Variants in EHHADH observed in about 807,000 individuals in gnomAD.
EHHADH encodes the protein peroxisomal bifunctional enzyme.
A neutral mutation model predicts 64.4 loss-of-function variants in EHHADH; 48 were observed. The ratio of observed to expected loss-of-function variants is 0.75; its 90% CI spans 0.59 to 0.95. The LOEUF is 0.95. EHHADH is among the 40% of genes least tolerant of loss of function. The pLI is 0.00. For missense variants in EHHADH, 854 were observed against 876.6 expected, an observed-to-expected ratio of 0.97 and a Z score of 0.33; for synonymous variants, 308 against 326.7, an observed-to-expected ratio of 0.94 and a Z score of 0.62.
chr3:185,202,624 C>G (rs921414218), intron 6 of EHHADH, among the ~76,000 whole-genome samples: 1 of 152,136 alleles, frequency 6.6e-6, no homozygotes, highest in Non-Finnish European at 1.5e-5. Flanking sequence ...CCTTGACCTC[C>G]GCCTCCTGTC....
At chr3:185,229,632 CA>C (rs1719102187) in intron 3 of EHHADH, 89 bp from the exon 4 acceptor site, 6 of 772,262 alleles carry the variant, frequency 7.8e-6, no homozygotes. Context: ...CCTGTATTCT[CA>C]AAAGCATGGT....
intron 4 of EHHADH, among the ~76,000 whole-genome samples, chr3:185,229,161 T>C (rs1202198284): frequency 2.6e-5 from 4 of 152,226 alleles, no homozygotes; most frequent in Non-Finnish European, 4.4e-5. Context: ...TGTTGATGAA[T>C]AGTCACTTGA....
intron 3 of EHHADH, among the ~76,000 whole-genome samples, chr3:185,234,881 A>G (rs1168823908): frequency 6.6e-6 from 1 of 152,186 alleles, no homozygotes; most frequent in African/African-American, 2.4e-5. Context: ...TAAGCTAACC[A>G]TTCAAAATTA....
chr3:185,201,518 G>T (rs762011747), intron 6 of EHHADH, among the ~76,000 whole-genome samples: 15 of 152,168 alleles, frequency 9.9e-5, no homozygotes, highest in African/African-American at 1.4e-4. Context: ...GGTCCTCAGG[G>T]TAAGCCGGGT....
chr3:185,231,774 G>T (rs556889385), intron 3 of EHHADH, among the ~76,000 whole-genome samples: 143 of 152,350 alleles, frequency 9.4e-4, no homozygotes, highest in African/African-American at 3.1e-3. Flanking sequence ...AAGTAGATTA[G>T]TAGGTGCTTA....
chr3:185,246,816 T>C (rs566438851), intron 2 of EHHADH, among the ~76,000 whole-genome samples: 3 of 152,326 alleles, frequency 2.0e-5, no homozygotes, highest in African/African-American at 7.2e-5. Flanking sequence ...TCAGTTCCTT[T>C]ACATAAATAC....
intron 2 of EHHADH, among the ~76,000 whole-genome samples, chr3:185,241,060 T>C (rs997370863): frequency 6.6e-6 from 1 of 152,186 alleles, no homozygotes; most frequent in Non-Finnish European, 1.5e-5. Flanking sequence ...GTACAATATT[T>C]GGTTTTCCAT....
rs921730022 is a variant in EHHADH, at chr3:185,216,124, A to G, written c.568+2012T>C. The stretch of plus-strand genomic sequence containing the variant: ...GAAACACTATTTTGTAAGTTTTATA[A>G]AGTAAAAATGCTTAATTTAATGTTT... On this transcript the variant is annotated intron_variant, in intron 5 of 6. Coordinates refer to ENST00000231887, the MANE Select transcript of EHHADH (RefSeq NM_001966.4). This position sits in a 1 kb window ranked among gnomAD's most constrained non-coding sequence, Gnocchi z 5.3. Among the ~76,000 whole-genome samples the G allele has an allele frequency of 6.6e-6, 1 of 152,192 alleles. No homozygotes were observed. Among genetic ancestry groups the G allele is most frequent in the Non-Finnish European group, 1.5e-5 (1 of 68,040 alleles).
chr3:185,210,466 TC>T (rs1190033626), intron 5 of EHHADH, among the ~76,000 whole-genome samples: 1 of 151,898 alleles, frequency 6.6e-6, no homozygotes, highest in Non-Finnish European at 1.5e-5. Flanking sequence ...AAACCCCGTC[TC>T]TACTAAAAAT....
At chr3:185,215,302 C>T (rs1278452067) in intron 5 of EHHADH, among the ~76,000 whole-genome samples, 2 of 151,792 alleles carry the variant, frequency 1.3e-5, no homozygotes, top group African/African-American at 4.8e-5. Context: ...TGTGGTTTAC[C>T]CACAATGTGG....
At chr3:185,233,926 G>A (rs562242068) in intron 3 of EHHADH, among the ~76,000 whole-genome samples, 4 of 152,226 alleles carry the variant, frequency 2.6e-5, no homozygotes, top group Non-Finnish European at 4.4e-5. Flanking sequence ...TTACAGGCAT[G>A]AGCCACCATG....
At chr3:185,235,147 T>A in intron 3 of EHHADH, 143 bp downstream of exon 3, 1 of 765,142 alleles carries the variant, frequency 1.3e-6, no homozygotes, top group Non-Finnish European at 1.9e-6. Context: ...ACCACTGCAC[T>A]CCAGCCTGGA....
In EHHADH at chr3:185,200,445, G is replaced by C. The variant is rs1718192107; in HGVS notation, c.910+3971C>G. Among the ~76,000 whole-genome samples, 4 of 152,136 alleles carry C rather than the reference G, an allele frequency of 2.6e-5. No individual in the cohort carries two copies. The South Asian group carries it at 8.3e-4, about 32-fold the overall frequency. On this transcript the variant is annotated intron_variant, in intron 6 of 6. Transcript: ENST00000231887. ...CTCTCAAGAACAAGAAGGTTGAACA[G>C]CTCTCACTTCTATAGCAACTTGTAT... is the stretch of plus-strand genomic sequence containing the variant.
At chr3:185,249,828 A>G (rs954429349) in intron 1 of EHHADH, among the ~76,000 whole-genome samples, 5 of 151,830 alleles carry the variant, frequency 3.3e-5, no homozygotes, top group Non-Finnish European at 7.4e-5. Context: ...CCTGCTTTAC[A>G]GTAAGGTCTG....
intron 2 of EHHADH, among the ~76,000 whole-genome samples, chr3:185,240,931 T>C (rs1344881391): frequency 6.6e-6 from 1 of 152,072 alleles, no homozygotes; most frequent in Non-Finnish European, 1.5e-5. Context: ...CTGCACTGTA[T>C]TTGTAGTCTT....
intron 2 of EHHADH, among the ~76,000 whole-genome samples, chr3:185,241,548 A>G (rs984894401): frequency 6.6e-6 from 1 of 152,150 alleles, no homozygotes; most frequent in Non-Finnish European, 1.5e-5. Flanking sequence ...TTCCCTGATC[A>G]TTAGTGATGT....
At position 185,192,811 on chromosome 3, in the gene EHHADH, C is replaced by T. The variant is rs1203194324; in HGVS notation, c.1587G>A (p.Val529=). 1.9e-6 allele frequency: 3 copies of T among 1,614,118 alleles called. No homozygotes were observed. Among genetic ancestry groups the T allele is most frequent in the East Asian group, 2.2e-5 (1 of 44,870 alleles). ...CTTGCCCCTTTCTAGATTTCCAGCCCACATCCAACCCAGCAAGATCAGACA... is the reference window on the plus strand; with the variant it reads ...CTTGCCCCTTTCTAGATTTCCAGCCTACATCCAACCCAGCAAGATCAGACA... ...FRVSDLAGLD[V]GWKSRKGQGL... Residue 529 remains valine, a synonymous_variant, in exon 7 of 7, where the codon GTG becomes GTA. Transcript: ENST00000231887.
In EHHADH at chr3:185,191,436, T is replaced by C. The variant is rs1425310259; in HGVS notation, c.*790A>G. The C allele has an allele frequency of 6.6e-6, 1 of 152,174 alleles. No homozygotes were observed. The highest frequency in any genetic ancestry group is 1.5e-5 in the Non-Finnish European group (1 of 68,028). The allele number at this position is 152,174 out of a possible 1,614,324, so 9.4% of individuals were successfully genotyped here. The stretch of plus-strand genomic sequence containing the variant: ...ATTGACCAGCCCCTTAATTTTTAAC[T>C]ACACAAGGCAAAAAGTAAAAAGAGA... On this transcript the variant is annotated 3_prime_UTR_variant, in exon 7 of 7. Coordinates refer to ENST00000231887, the MANE Select transcript of EHHADH (RefSeq NM_001966.4).
At position 185,216,002 on chromosome 3, in the gene EHHADH, C is replaced by G. The variant is rs1718673114; in HGVS notation, c.568+2134G>C. 6.6e-6 allele frequency among the ~76,000 whole-genome samples: 1 copy of G among 151,938 alleles called. No individual in the cohort carries two copies. The highest frequency in any genetic ancestry group is 6.6e-5 in the Admixed American group (1 of 15,238). On this transcript the variant is annotated intron_variant, in intron 5 of 6. Coordinates refer to ENST00000231887, the MANE Select transcript of EHHADH (RefSeq NM_001966.4). This position sits in a 1 kb window ranked among gnomAD's most constrained non-coding sequence, Gnocchi z 5.3. ...AATAGTAACACATAATTGTCTAAAG[C>G]CCTGAAGTGTTAAAAGGTGAATTAC...
Sources: allele counts gnomAD v4.1 joint callset (sites outside exome capture counted in the v4.1 genomes callset), GRCh38; gene constraint gnomAD v4.1.1; non-coding constraint Gnocchi (gnomAD v3.1); transcripts MANE v1.5; gene names NCBI Gene and HGNC (gene_info 2026-07-23, HGNC 2026-07-21).